Variants in COL22A1 observed in about 807,000 individuals in gnomAD.
The protein encoded by COL22A1 is collagen type XXII alpha 1 chain.
In COL22A1, 221 loss-of-function variants were observed where a neutral mutation model predicts 248.9. That is an observed-to-expected ratio of 0.89 (90% confidence interval 0.80 to 0.99). COL22A1 has a LOEUF of 0.99. Among genes scored for constraint, COL22A1 ranks in the 50% least tolerant of loss-of-function variants. The pLI, the probability that COL22A1 is intolerant of heterozygous loss-of-function variation, is 0.00. For synonymous variants in COL22A1, 891 were observed against 793.4 expected (o/e 1.12, Z -2.07); for missense variants, 2,240 against 2,179.0 (o/e 1.03, Z -0.56).
intron 30 of COL22A1, among the ~76,000 whole-genome samples, chr8:138,714,882 G>T (rs1036137954): frequency 7.2e-5 from 11 of 152,166 alleles, no homozygotes; most frequent in African/African-American, 2.7e-4. Flanking sequence ...CAGGGGAAAG[G>T]ATATAGGAGT....
At chr8:138,716,901 C>T in intron 27 of COL22A1, 32 bp from the exon 28 acceptor site, 1 of 1,562,856 alleles carries the variant, frequency 6.4e-7, no homozygotes, top group Non-Finnish European at 8.8e-7. Context: ...CCCCATTATT[C>T]TCCATTCACT....
At chr8:138,804,342 C>T (rs552060335) in intron 10 of COL22A1, among the ~76,000 whole-genome samples, 5 of 152,312 alleles carry the variant, frequency 3.3e-5, no homozygotes, top group South Asian at 2.1e-4. Flanking sequence ...CTGCAGGAGC[C>T]GGGCAGGTCT....
chr8:138,799,244 T>G (rs1816807714), intron 11 of COL22A1, among the ~76,000 whole-genome samples: 1 of 152,188 alleles, frequency 6.6e-6, no homozygotes, highest in Non-Finnish European at 1.5e-5. Context: ...TCAGAATAAT[T>G]TCCTTTAGTT....
At chr8:138,628,702 T>C (rs1169971033) in intron 50 of COL22A1, among the ~76,000 whole-genome samples, 1 of 151,910 alleles carries the variant, frequency 6.6e-6, no homozygotes, top group African/African-American at 2.4e-5. Context: ...AGAATCAAAG[T>C]CTTATTTAGT....
intron 47 of COL22A1, among the ~76,000 whole-genome samples, chr8:138,644,282 T>C (rs1355460682): frequency 6.6e-6 from 1 of 152,226 alleles, no homozygotes; most frequent in Admixed American, 6.5e-5. Flanking sequence ...TTGCATTACT[T>C]TTAAATTTTA....
chr8:138,629,303 T>C (rs1254077233), intron 50 of COL22A1, among the ~76,000 whole-genome samples: 1 of 152,074 alleles, frequency 6.6e-6, no homozygotes, highest in Non-Finnish European at 1.5e-5. Context: ...ATTACAGGCA[T>C]GTGCCACCGT....
At chr8:138,778,143 T>C in intron 15 of COL22A1, 1 of 641,462 alleles carries the variant, frequency 1.6e-6, no homozygotes, top group Non-Finnish European at 2.8e-6. Context: ...GTCCCAGGAA[T>C]ATGCATTTAA....
chr8:138,773,082 C>CA (rs1834523982), intron 16 of COL22A1, among the ~76,000 whole-genome samples: 1 of 152,186 alleles, frequency 6.6e-6, no homozygotes, highest in Admixed American at 6.5e-5. Context: ...GCAAAACAAA[C>CA]AAAAAACATT....
rs114703549 is a variant in COL22A1 at position 138,886,318 on chromosome 8, G to A, written c.-72-3074C>T. Among the ~76,000 whole-genome samples, 1,263 of 152,260 alleles carry A rather than the reference G, an allele frequency of 8.3e-3. 26 individuals carry two copies. Among genetic ancestry groups the A allele is most frequent in the African/African-American group, 0.028 (1,173 of 41,528 alleles). On this transcript the variant is annotated intron_variant, in intron 1 of 64. Transcript: ENST00000303045. ...GAGGGTCTTTGAAAGCAGTGACTGC[G>A]TCTTATTGGTTTCTGTAGTACTGGT...
Position 138,635,073 on chromosome 8 carries a change from C to T in COL22A1, c.3556-10G>A. On this transcript the variant is annotated splice_polypyrimidine_tract_variant and intron_variant, in intron 48 of 64. Coordinates refer to ENST00000303045, the MANE Select transcript of COL22A1 (RefSeq NM_152888.3). ...GAACTCCAGGATGACCCTAGGAAAA[C>T]ACAAGATGCAATTCTTTAAAATGAC... The T allele has an allele frequency of 1.2e-6, 2 of 1,600,750 alleles. No homozygotes were observed. Among genetic ancestry groups the T allele is most frequent in the Admixed American group, 1.8e-5 (1 of 57,036 alleles).
At chr8:138,632,499 C>A (rs565900148) in intron 49 of COL22A1, among the ~76,000 whole-genome samples, 1 of 152,160 alleles carries the variant, frequency 6.6e-6, no homozygotes, top group African/African-American at 2.4e-5. Context: ...AATATAAAAG[C>A]ATAAATAAGC....
intron 6 of COL22A1, chr8:138,825,614 C>T (rs1042279754): frequency 2.0e-5 from 3 of 152,216 alleles, no homozygotes; most frequent in African/African-American, 7.2e-5. Context: ...TAAGCAAACG[C>T]ATCTGAAGTC....
At chr8:138,660,851 CATACACA>C (rs1823790498) in intron 43 of COL22A1, among the ~76,000 whole-genome samples, 1 of 134,808 alleles carries the variant, frequency 7.4e-6, no homozygotes, top group Non-Finnish European at 1.6e-5. Flanking sequence ...CACACACACA[CATACACA>C]GACACACAAA....
intron 47 of COL22A1, among the ~76,000 whole-genome samples, chr8:138,639,570 G>A (rs1821485677): frequency 6.6e-6 from 1 of 152,146 alleles, no homozygotes; most frequent in African/African-American, 2.4e-5. Context: ...TCCCCCTGTT[G>A]AAAATAAGGA....
chr8:138,828,323 C>A (rs1487603783), intron 5 of COL22A1, among the ~76,000 whole-genome samples: 1 of 152,050 alleles, frequency 6.6e-6, no homozygotes, highest in African/African-American at 2.4e-5. Flanking sequence ...TCCCTGGCCC[C>A]CACCCACTTG....
In COL22A1 at chr8:138,676,563, G is replaced by T; in HGVS notation, c.3145C>A (p.Pro1049Thr). 6.4e-7 allele frequency: 1 copy of T among 1,562,220 alleles called. No individual in the cohort carries two copies. Among genetic ancestry groups the T allele is most frequent in the East Asian group, 2.3e-5 (1 of 42,604 alleles). Residue 1049 changes from proline (P) to threonine (T), a missense_variant, in exon 41 of 65, where the codon CCT (proline) becomes ACT (threonine). Physicochemically the swap from Pro to Thr is conservative, Grantham distance 38. Coordinates refer to ENST00000303045, the MANE Select transcript of COL22A1 (RefSeq NM_152888.3). ...CTGGATAAATAAAGACTTACAGGAGGGCCAGCAACCCCAATGCCTGGGTCA... is the reference window on the plus strand; with the variant it reads ...CTGGATAAATAAAGACTTACAGGAGTGCCAGCAACCCCAATGCCTGGGTCA... ...RGDPGIGVAG[P>T]PGPSGPPGDK...
intron 46 of COL22A1, among the ~76,000 whole-genome samples, chr8:138,647,119 T>C (rs1274455182): frequency 1.3e-5 from 2 of 152,118 alleles, no homozygotes; most frequent in Non-Finnish European, 2.9e-5. Flanking sequence ...TTTTTCTATC[T>C]AACCACTCAT....
chr8:138,624,022 C>T (rs1464602432), intron 51 of COL22A1, among the ~76,000 whole-genome samples: 1 of 152,080 alleles, frequency 6.6e-6, no homozygotes, highest in Non-Finnish European at 1.5e-5. Flanking sequence ...GAAAGCAATA[C>T]ATTTTGTAAT....
intron 47 of COL22A1, among the ~76,000 whole-genome samples, chr8:138,642,704 C>A (rs1008424333): frequency 1.3e-5 from 2 of 152,164 alleles, no homozygotes; most frequent in African/African-American, 4.8e-5. Context: ...AGCTCCTTAT[C>A]TGTTTAATTG....
Sources: gnomAD v4.1 joint callset for allele counts (sites outside exome capture counted in the v4.1 genomes callset) on GRCh38, gnomAD v4.1.1 for gene constraint, MANE v1.5 for transcripts, NCBI Gene and HGNC (gene_info 2026-07-23, HGNC 2026-07-21) for gene names.